Variants in OPA1 observed in about 807,000 individuals in gnomAD.
The protein encoded by OPA1 is OPA1 mitochondrial dynamin like GTPase, also known as dynamin-like GTPase OPA1, mitochondrial.
In OPA1, 59 loss-of-function variants were observed where a neutral mutation model predicts 152.9. That is an observed-to-expected ratio of 0.39 (90% CI 0.31 to 0.48). OPA1 has a LOEUF of 0.48. Ranked by LOEUF, OPA1 falls within the 20% of genes least tolerant of loss-of-function variation. The pLI, the probability that OPA1 is intolerant of heterozygous loss-of-function variation, is 0.96. For missense variants in OPA1, 1,008 were observed against 1,216.8 expected (o/e 0.83, Z 2.55); for synonymous variants, 400 against 389.9 (o/e 1.03, Z -0.31).
intron 1 of OPA1, among the ~76,000 whole-genome samples, chr3:193,605,105 T>C (rs531558000): frequency 3.3e-5 from 5 of 152,272 alleles, no homozygotes; most frequent in African/African-American, 1.2e-4. Flanking sequence ...TAAACCCTTG[T>C]GGCATTACAC....
chr3:193,603,883 C>T, intron 1 of OPA1, among the ~76,000 whole-genome samples: 1 of 152,178 alleles, frequency 6.6e-6, no homozygotes, highest in East Asian at 1.9e-4. Context: ...ATACTACACT[C>T]ACACCGTTGT....
At position 193,593,276 on chromosome 3, in the gene OPA1, G is replaced by A. The variant is rs886058255; in HGVS notation, c.-102G>A. 152 of 1,257,988 alleles carry A rather than the reference G, an allele frequency of 1.2e-4. No individual in the cohort carries two copies. Among genetic ancestry groups the A allele is most frequent in the Non-Finnish European group, 1.5e-4 (136 of 927,558 alleles). 77.9% of individuals were successfully genotyped at this position (1,257,988 alleles called of 1,614,324 possible). A position where few individuals can be genotyped will look rare whatever the true frequency, so the allele number is the denominator to read the frequency against. On this transcript the variant is annotated 5_prime_UTR_variant, in exon 1 of 31. Transcript: ENST00000361510. ...GCGGCTCTGTGCCCTTGCTGCTGAG[G>A]GCCACTTCCTGGGTCATTCCTGGAC...
intron 29 of OPA1, among the ~76,000 whole-genome samples, chr3:193,677,225 A>G (rs1055348086): frequency 6.0e-5 from 9 of 150,646 alleles, no homozygotes; most frequent in Admixed American, 6.6e-5. Context: ...TTTTACTTAT[A>G]TACTATTGTG....
chr3:193,633,649 AAG>A (rs371947326), intron 8 of OPA1, among the ~76,000 whole-genome samples: 38 of 152,316 alleles, frequency 2.5e-4, no homozygotes, highest in African/African-American at 8.9e-4. Context: ...AAGGGGTAAA[AAG>A]AAACGTGGAA....
intron 11 of OPA1, among the ~76,000 whole-genome samples, chr3:193,641,121 C>T (rs1357701321): frequency 1.3e-5 from 2 of 152,174 alleles, no homozygotes. Context: ...GTTGTAAAAA[C>T]ATGGGAGAGA....
intron 29 of OPA1, chr3:193,691,567 T>A (rs1721692500): frequency 6.6e-6 from 1 of 152,632 alleles, no homozygotes; most frequent in Non-Finnish European, 1.5e-5. Flanking sequence ...AGTATACATT[T>A]CAATATGGCC....
At chr3:193,676,194 T>TTA (rs1229867065) in intron 29 of OPA1, among the ~76,000 whole-genome samples, 1 of 152,220 alleles carries the variant, frequency 6.6e-6, no homozygotes, top group African/African-American at 2.4e-5. Context: ...TTTGGAATGA[T>TTA]TATATGATGT....
Position 193,645,645 on chromosome 3 carries a change from A to G in OPA1, c.1681+20A>G. 1.9e-6 allele frequency: 3 copies of G among 1,607,846 alleles called. No homozygotes were observed. Among genetic ancestry groups the G allele is most frequent in the Non-Finnish European group, 2.6e-6 (3 of 1,174,548 alleles). ...GAAAAGGTATGCAAAGATGGATTATAATAACTTATTTTTAGTTTCTGTTGT... is the reference window on the plus strand; with the variant it reads ...GAAAAGGTATGCAAAGATGGATTATGATAACTTATTTTTAGTTTCTGTTGT... On this transcript the variant is annotated intron_variant, in intron 17 of 30. Coordinates refer to ENST00000361510, the MANE Select transcript of OPA1 (RefSeq NM_130837.3).
intron 1 of OPA1, among the ~76,000 whole-genome samples, chr3:193,602,126 C>T (rs1294398085): frequency 6.6e-6 from 1 of 152,172 alleles, no homozygotes; most frequent in Non-Finnish European, 1.5e-5. Flanking sequence ...CTAGGGAAAG[C>T]TGTCTGTAAC....
At chr3:193,646,623 G>A (rs927195134) in intron 18 of OPA1, 8 of 153,506 alleles carry the variant, frequency 5.2e-5, no homozygotes, top group African/African-American at 1.9e-4. Flanking sequence ...AATTAGCTGG[G>A]CATGGCGATG....
At chr3:193,656,439 CTG>C (rs1194102419) in intron 22 of OPA1, among the ~76,000 whole-genome samples, 8 of 152,334 alleles carry the variant, frequency 5.3e-5, no homozygotes, top group African/African-American at 1.9e-4. Context: ...ATTTTTGACA[CTG>C]TGCTCTTCCT....
At chr3:193,602,997 G>A (rs1726693315) in intron 1 of OPA1, among the ~76,000 whole-genome samples, 1 of 152,306 alleles carries the variant, frequency 6.6e-6, no homozygotes, top group Admixed American at 6.5e-5. Context: ...ATCTGTAAAT[G>A]TTCAAATGGT....
In OPA1 at chr3:193,648,949, T is replaced by C. The variant is rs1577262444; in HGVS notation, c.2012+78T>C. Reference sequence around the variant, plus strand: ...AATGAAATGCTAAAACTTAGATTGATAAAGCAGTGATTTATTGTTGCCTTG... The same window carrying C: ...AATGAAATGCTAAAACTTAGATTGACAAAGCAGTGATTTATTGTTGCCTTG... On this transcript the variant is annotated intron_variant, in intron 21 of 30. Coordinates refer to ENST00000361510, the MANE Select transcript of OPA1 (RefSeq NM_130837.3). The C allele has an allele frequency of 4.8e-6, 5 of 1,044,940 alleles. No individual in the cohort carries two copies. The East Asian group carries it at 1.2e-4, about 25-fold the overall frequency. The allele number at this position is 1,044,940 out of a possible 1,614,324, so 64.7% of individuals were successfully genotyped here.
chr3:193,596,539 G>A (rs1004058036), intron 1 of OPA1, among the ~76,000 whole-genome samples: 4 of 151,544 alleles, frequency 2.6e-5, no homozygotes, highest in Admixed American at 6.6e-5. Flanking sequence ...TGCATTTGGC[G>A]GCAACTTAAT....
chr3:193,654,867 A>G lies in OPA1; in HGVS notation c.2018A>G (p.Glu673Gly). 3.7e-6 allele frequency: 6 copies of G among 1,613,726 alleles called. No homozygotes were observed. The highest frequency in any genetic ancestry group is 5.1e-6 in the Non-Finnish European group (6 of 1,179,812). Residue 673 changes from glutamate (E) to glycine (G), a missense_variant, in exon 22 of 31, where the codon GAA becomes GGA. Transcript: ENST00000361510. ...LSQVTPKHWEEILQQSLWERV... is the reference protein window; with the variant it reads ...LSQVTPKHWEGILQQSLWERV... ...TTGATACTTTTTTATTTCAGGGAGG[A>G]AATCCTTCAACAATCTTTGTGGGAA...
chr3:193,630,992 T>C (rs777427195), intron 7 of OPA1, among the ~76,000 whole-genome samples: 1 of 152,234 alleles, frequency 6.6e-6, no homozygotes, highest in Non-Finnish European at 1.5e-5. Flanking sequence ...ATGGATGCAT[T>C]CTCTGTGTTA....
At chr3:193,631,090 A>G (rs982758897) in intron 7 of OPA1, among the ~76,000 whole-genome samples, 3 of 152,198 alleles carry the variant, frequency 2.0e-5, no homozygotes, top group Non-Finnish European at 2.9e-5. Context: ...TGTTCTTTGC[A>G]TTTATTACAT....
At chr3:193,596,428 C>G (rs913594958) in intron 1 of OPA1, among the ~76,000 whole-genome samples, 1 of 90,480 alleles carries the variant, frequency 1.1e-5, no homozygotes, top group Non-Finnish European at 2.3e-5. Flanking sequence ...TTCTTTCACA[C>G]AGGATCTTGG....
intron 1 of OPA1, 22 bp from the exon 2 acceptor site, chr3:193,614,701 T>C: frequency 6.4e-7 from 1 of 1,567,538 alleles, no homozygotes; most frequent in Non-Finnish European, 8.8e-7. Flanking sequence ...TGATCTTTCT[T>C]CCATATTCAT....
Sources: allele counts gnomAD v4.1 joint callset (sites outside exome capture counted in the v4.1 genomes callset), GRCh38; gene constraint gnomAD v4.1.1; transcripts MANE v1.5; gene names NCBI Gene and HGNC (gene_info 2026-07-23, HGNC 2026-07-21).